Variants in RPS19BP1 observed in about 807,000 individuals in gnomAD.
The protein encoded by RPS19BP1 is ribosomal protein S19 binding protein 1.
Under a neutral mutation model 16.6 loss-of-function variants are expected in RPS19BP1, and 14 were observed. That is an observed-to-expected ratio of 0.84 (90% CI 0.56 to 1.32). The LOEUF (loss-of-function observed/expected upper bound fraction) is 1.32, where lower values mean the gene tolerates loss of function less well. Ranked by LOEUF, RPS19BP1 falls within the 40% of genes most tolerant of loss-of-function variation. RPS19BP1 has a pLI of 0.00. For synonymous variants in RPS19BP1, 90 were observed against 77.3 expected, an observed-to-expected ratio of 1.16 and a Z score of -0.86; for missense variants, 188 against 178.6, an observed-to-expected ratio of 1.05 and a Z score of -0.30.
rs1051205283 is a variant in RPS19BP1 at position 39,529,161 on chromosome 22, A to G, written c.*331T>C. 26 of 325,240 alleles carry G rather than the reference A, an allele frequency of 8.0e-5. No homozygotes were observed. The highest frequency in any genetic ancestry group is 2.0e-3 in the Middle Eastern group (2 of 1,014). The allele number at this position is 325,240 out of a possible 1,614,324, so 20.1% of individuals were successfully genotyped here. A position where few individuals can be genotyped will look rare whatever the true frequency, so the allele number is the denominator to read the frequency against. On this transcript the variant is annotated 3_prime_UTR_variant, in exon 4 of 4. Coordinates refer to ENST00000334678, the MANE Select transcript of RPS19BP1 (RefSeq NM_194326.4). ...CCTACTCCTGGAGCTGTCGTCCCCA[A>G]GGGCTCAGGAATTAGCCTTGCTCCA...
chr22:39,529,806 TACCCTCG>T lies in RPS19BP1; in HGVS notation c.279+7_279+13del. 1 of 1,612,558 alleles carries T rather than the reference TACCCTCG, an allele frequency of 6.2e-7. No individual in the cohort carries two copies. Among genetic ancestry groups the T allele is most frequent in the Non-Finnish European group, 8.5e-7 (1 of 1,178,630 alleles). On this transcript the variant is annotated splice_region_variant and intron_variant, in intron 3 of 3. Coordinates refer to ENST00000334678, the MANE Select transcript of RPS19BP1 (RefSeq NM_194326.4). ...TCACCTCCCAGGTCCCTTCCTATAG[TACCCTCG>T]ACCAACCTGCTGGCTCACAGACTCA...
In RPS19BP1 at chr22:39,532,492, C is replaced by T; in HGVS notation, c.84G>A (p.Pro28=). 1 of 1,614,200 alleles carries T rather than the reference C, an allele frequency of 6.2e-7. No homozygotes were observed. Among genetic ancestry groups the T allele is most frequent in the South Asian group, 1.1e-5 (1 of 91,092 alleles). The change falls in exon 2 of 4, where the codon CCG becomes CCA. Residue 28 remains proline (P), a synonymous_variant. Transcript: ENST00000334678. ...GGGGCCGTTTCACCGGAGCCCCTCT[C>T]GGCTTGGCCTGACCTGGAGGGTCCC... is the stretch of plus-strand genomic sequence containing the variant. ...APRDPPGQAK[P]RGAPVKRPRK...
chr22:39,532,300 G>T (rs538419184), intron 2 of RPS19BP1, 95 bp downstream of exon 2: 2 of 1,566,912 alleles, frequency 1.3e-6, no homozygotes, highest in East Asian at 4.5e-5. Flanking sequence ...TAGCAATACC[G>T]GGCGAACGCT....
At chr22:39,531,693 TAGC>T (rs1931313406) in intron 2 of RPS19BP1, 1 of 152,326 alleles carries the variant, frequency 6.6e-6, no homozygotes, top group South Asian at 2.1e-4. Context: ...GAGTAGGTAA[TAGC>T]AGCACTCTGG....
At chr22:39,530,324 A>G (rs999748280) in intron 2 of RPS19BP1, 2 of 236,214 alleles carry the variant, frequency 8.5e-6, no homozygotes, top group Non-Finnish European at 1.7e-5. Context: ...AAATGACTCG[A>G]AGAGAGCTGT....
Position 39,529,492 on chromosome 22 carries a change from C to CT in RPS19BP1, c.410dup (p.Ter137=), listed in dbSNP as rs768879543. Reference sequence around the variant, plus strand: ...CTCTTCACCGTGCCCTCCAGGGAGCCTAGCTGCCGAAGTATTCCTGCTGGA... The same window carrying CT: ...CTCTTCACCGTGCCCTCCAGGGAGCCTTAGCTGCCGAAGTATTCCTGCTGGA... The part of the protein sequence containing the change: ...QKFQQEYFGS[*] The change falls in exon 4 of 4, where the codon TAG becomes TAAG. Residue 137 remains the stop codon, a frameshift_variant and stop_retained_variant. Coordinates refer to ENST00000334678, the MANE Select transcript of RPS19BP1 (RefSeq NM_194326.4). LOFTEE classifies it high-confidence loss of function. The CT allele has an allele frequency of 1.2e-5, 20 of 1,614,060 alleles. No individual in the cohort carries two copies. The highest frequency in any genetic ancestry group is 1.4e-5 in the Non-Finnish European group (17 of 1,180,014).
chr22:39,529,649 C>T, intron 3 of RPS19BP1, 26 bp from the exon 4 acceptor site: 2 of 1,611,952 alleles, frequency 1.2e-6, no homozygotes, highest in Middle Eastern at 1.7e-4. Context: ...GACCGAGGGC[C>T]CATCATTTCA....
At chr22:39,530,390 C>T in intron 2 of RPS19BP1, 1 of 219,146 alleles carries the variant, frequency 4.6e-6, no homozygotes, top group Non-Finnish European at 9.5e-6. Context: ...GTGCAAAGGC[C>T]CTGAAGCAGA....
Position 39,529,322 on chromosome 22 carries a change from G to A in RPS19BP1, c.*170C>T. The A allele has an allele frequency of 2.3e-6, 2 of 882,626 alleles. No individual in the cohort carries two copies. The highest frequency in any genetic ancestry group is 3.4e-6 in the Non-Finnish European group (2 of 588,414). The allele number at this position is 882,626 out of a possible 1,614,324, so 54.7% of individuals were successfully genotyped here. A position where few individuals can be genotyped will look rare whatever the true frequency, so the allele number is the denominator to read the frequency against. ...TGTGTAAATCCTCCCCAGGACTTCC[G>A]GCCCACCAGCTCCATTCCAGCCTCC... is the stretch of plus-strand genomic sequence containing the variant. On this transcript the variant is annotated 3_prime_UTR_variant, in exon 4 of 4. Transcript: ENST00000334678.
chr22:39,532,419 C>T lies in RPS19BP1; in HGVS notation c.157G>A (p.Gly53Arg). The T allele has an allele frequency of 6.2e-7, 1 of 1,614,242 alleles. No homozygotes were observed. Among genetic ancestry groups the T allele is most frequent in the Non-Finnish European group, 8.5e-7 (1 of 1,180,040 alleles). The part of the protein sequence containing the change: ...QAQKLRNSAK[G>R]KVPKSALDEY... ...CCCAGTGCCGACTTGGGCACCTTTC[C>T]CTTGGCCGAGTTCCGCAGTTTCTGG... The change falls in exon 2 of 4, where the codon GGA becomes AGA. Residue 53 changes from glycine (G) to arginine (R), a missense_variant. Coordinates refer to ENST00000334678, the MANE Select transcript of RPS19BP1 (RefSeq NM_194326.4).
chr22:39,530,922 A>G (rs1931295328), intron 2 of RPS19BP1: 1 of 152,190 alleles, frequency 6.6e-6, no homozygotes, highest in African/African-American at 2.4e-5. Context: ...CTGATTTTAC[A>G]CGATCACTTT....
intron 2 of RPS19BP1, chr22:39,530,127 T>C: frequency 3.4e-6 from 2 of 589,370 alleles, no homozygotes; most frequent in Non-Finnish European, 6.0e-6. Flanking sequence ...AACAATTATG[T>C]CCTGAATACT....
Position 39,529,635 on chromosome 22 carries a change from G to T in RPS19BP1, c.280-12C>A, listed in dbSNP as rs1233168494. On this transcript the variant is annotated splice_polypyrimidine_tract_variant and intron_variant, in intron 3 of 3. Transcript: ENST00000334678. ...TTCTGGCGCAAAATCTGGCGAGGGT[G>T]CGGGACCGAGGGCCCATCATTTCAA... is the stretch of plus-strand genomic sequence containing the variant. 1.9e-6 allele frequency: 3 copies of T among 1,613,178 alleles called. No homozygotes were observed. The highest frequency in any genetic ancestry group is 2.7e-5 in the African/African-American group (2 of 74,874).
intron 2 of RPS19BP1, 57 bp from the exon 3 acceptor site, chr22:39,529,974 C>T: frequency 7.1e-7 from 1 of 1,416,884 alleles, no homozygotes; most frequent in Non-Finnish European, 1.0e-6. Context: ...GAACCATTCT[C>T]AGTCCCTGGC....
Position 39,529,820 on chromosome 22 carries a change from C to T in RPS19BP1, c.279G>A (p.Gln93=), listed in dbSNP as rs1354300379. The T allele has an allele frequency of 1.2e-6, 2 of 1,613,992 alleles. No homozygotes were observed. The highest frequency in any genetic ancestry group is 1.7e-6 in the Non-Finnish European group (2 of 1,179,852). The part of the protein sequence containing the change: ...RSTVAESVSQ[Q]ILRQNRGRKA... ...CCTTCCTATAGTACCCTCGACCAAC[C>T]TGCTGGCTCACAGACTCAGCCACGG... The change falls in exon 3 of 4, where the codon CAG becomes CAA. Residue 93 remains glutamine, a splice_region_variant and synonymous_variant. Coordinates refer to ENST00000334678, the MANE Select transcript of RPS19BP1 (RefSeq NM_194326.4).
In RPS19BP1 at chr22:39,529,813, G is replaced by A; in HGVS notation, c.279+7C>T. The A allele has an allele frequency of 6.2e-7, 1 of 1,613,640 alleles. No individual in the cohort carries two copies. Among genetic ancestry groups the A allele is most frequent in the South Asian group, 1.1e-5 (1 of 91,048 alleles). On this transcript the variant is annotated splice_region_variant and intron_variant, in intron 3 of 3. Coordinates refer to ENST00000334678, the MANE Select transcript of RPS19BP1 (RefSeq NM_194326.4). ...CCAGGTCCCTTCCTATAGTACCCTC[G>A]ACCAACCTGCTGGCTCACAGACTCA...
chr22:39,532,191 T>C, intron 2 of RPS19BP1: 1 of 617,214 alleles, frequency 1.6e-6, no homozygotes, highest in Non-Finnish European at 2.8e-6. Context: ...GATGCTTCTC[T>C]CCCCACTAGG....
At chr22:39,529,649 C>G (rs1931253292) in intron 3 of RPS19BP1, 26 bp from the exon 4 acceptor site, 2 of 1,611,834 alleles carry the variant, frequency 1.2e-6, no homozygotes, top group Admixed American at 1.7e-5. Context: ...GACCGAGGGC[C>G]CATCATTTCA....
intron 2 of RPS19BP1, 186 bp from the exon 3 acceptor site, chr22:39,530,103 C>A: frequency 3.3e-6 from 2 of 605,468 alleles, no homozygotes; most frequent in Admixed American, 2.9e-5. Context: ...TCTTGGCCCC[C>A]ACCCCCATTT....
Sources: allele counts gnomAD v4.1 joint callset, GRCh38; gene constraint gnomAD v4.1.1; transcripts MANE v1.5; gene names NCBI Gene and HGNC (gene_info 2026-07-23, HGNC 2026-07-21).